CRB1: variants seen among roughly 807,000 people sequenced by gnomAD.
The protein encoded by CRB1 is protein crumbs homolog 1.
Under a neutral mutation model 120.0 loss-of-function variants are expected in CRB1, and 83 were observed. The observed-to-expected ratio is 0.69, with a 90% CI of 0.58 to 0.83. The LOEUF is 0.83. Among genes scored for constraint, CRB1 ranks in the 40% least tolerant of loss-of-function variants. The probability of loss-of-function intolerance (pLI) is 0.00; values close to 1 mark genes in which losing one functional copy is unlikely to be tolerated. For missense variants in CRB1, 1,699 were observed against 1,687.6 expected (o/e 1.01, Z -0.12); for synonymous variants, 625 against 612.5 (o/e 1.02, Z -0.30).
intron 8 of CRB1, among the ~76,000 whole-genome samples, chr1:197,430,631 CTTCA>C (rs1209367152): frequency 1.3e-5 from 2 of 152,162 alleles, no homozygotes; most frequent in African/African-American, 4.8e-5. Context: ...ACCTTTGTCA[CTTCA>C]TTCAGGTTTC....
At chr1:197,335,083 T>A (rs1659076646) in intron 2 of CRB1, among the ~76,000 whole-genome samples, 1 of 152,152 alleles carries the variant, frequency 6.6e-6, no homozygotes, top group East Asian at 1.9e-4. Flanking sequence ...CAAGGAAATG[T>A]CTTGTGGAAT....
rs200469148 is a variant in CRB1 at position 197,477,718 on chromosome 1, G to A, written c.4060G>A (p.Ala1354Thr). ...CACCACTATTGGCTCAGTGACTGTC[G>A]CCTTGTTACTGATCCTCTTGCTGGC... ...IFTTIGSVTV[A>T]LLLILLLAIV... Residue 1354 changes from alanine to threonine, a missense_variant, in exon 12 of 12, where the codon GCC becomes ACC. Physicochemically the swap from Ala to Thr is moderately conservative, Grantham distance 58. Coordinates refer to ENST00000367400, the MANE Select transcript of CRB1 (RefSeq NM_201253.3). The A allele has an allele frequency of 2.3e-4, 370 of 1,613,818 alleles. No homozygotes were observed. Among genetic ancestry groups the A allele is most frequent in the Middle Eastern group, 3.3e-4 (2 of 6,058 alleles).
At chr1:197,385,154 C>A (rs1441750560) in intron 5 of CRB1, among the ~76,000 whole-genome samples, 1 of 152,152 alleles carries the variant, frequency 6.6e-6, no homozygotes, top group Non-Finnish European at 1.5e-5. Context: ...TCCCCCAGCT[C>A]ATATCACAAC....
intron 5 of CRB1, among the ~76,000 whole-genome samples, chr1:197,398,300 C>T (rs755182438): frequency 2.0e-5 from 3 of 152,266 alleles, no homozygotes; most frequent in Middle Eastern, 3.4e-3. Context: ...ATTTAGAATA[C>T]CTTTCTCATT....
At chr1:197,381,212 T>C (rs1661937787) in intron 5 of CRB1, among the ~76,000 whole-genome samples, 2 of 152,192 alleles carry the variant, frequency 1.3e-5, no homozygotes, top group African/African-American at 4.8e-5. Context: ...TTCTCCTCCT[T>C]TTAATATTTT....
the CRB1 span, among the ~76,000 whole-genome samples, chr1:197,213,173 T>A: frequency 6.6e-6 from 1 of 152,224 alleles, no homozygotes; most frequent in Non-Finnish European, 1.5e-5. Context: ...AAAATTTGCA[T>A]GGAGAAGTTC....
intron 11 of CRB1, among the ~76,000 whole-genome samples, chr1:197,475,651 A>G (rs2125569934): frequency 6.6e-6 from 1 of 152,318 alleles, no homozygotes; most frequent in Admixed American, 6.5e-5. Context: ...TGACTACAGG[A>G]CAAAGTCTGA....
At chr1:197,225,706 C>A in the CRB1 span, among the ~76,000 whole-genome samples, 1 of 152,150 alleles carries the variant, frequency 6.6e-6, no homozygotes, top group African/African-American at 2.4e-5. Flanking sequence ...GCTTAACAGC[C>A]ATTTTGGATC....
intron 5 of CRB1, among the ~76,000 whole-genome samples, chr1:197,419,544 G>A (rs776969408): frequency 2.0e-5 from 3 of 151,894 alleles, no homozygotes; most frequent in Non-Finnish European, 2.9e-5. Flanking sequence ...TGTATTTTTA[G>A]TAAAGATAGG....
At chr1:197,394,009 G>A (rs941627513) in intron 5 of CRB1, among the ~76,000 whole-genome samples, 2 of 152,018 alleles carry the variant, frequency 1.3e-5, no homozygotes, top group African/African-American at 4.8e-5. Flanking sequence ...AATTTATAGC[G>A]GTTTGGGTGG....
intron 5 of CRB1, among the ~76,000 whole-genome samples, chr1:197,393,632 C>T (rs550524190): frequency 6.6e-6 from 1 of 152,116 alleles, no homozygotes; most frequent in African/African-American, 2.4e-5. Context: ...AATGACCAAA[C>T]TCTCTACCAA....
intron 5 of CRB1, among the ~76,000 whole-genome samples, chr1:197,385,495 C>G (rs1662168719): frequency 6.6e-6 from 1 of 152,028 alleles, no homozygotes; most frequent in Non-Finnish European, 1.5e-5. Flanking sequence ...CAGAGTCTTT[C>G]TCCTCATACT....
At chr1:197,452,992 G>A (rs1164497717) in intron 11 of CRB1, among the ~76,000 whole-genome samples, 1 of 152,000 alleles carries the variant, frequency 6.6e-6, no homozygotes, top group Admixed American at 6.6e-5. Context: ...TACATGTTCA[G>A]CGAAGGATAA....
In CRB1 at chr1:197,344,319, C is replaced by T. The variant is rs1659642763; in HGVS notation, c.691C>T (p.Gln231Ter). ...ATTGGAAATTGACGAATGTTGGTCC[C>T]AGCCTTGTTTAAATGGTGCAACTTG... ...CELEIDECWSQPCLNGATCQD... is the reference protein window; with the variant it reads ...CELEIDECWS Residue 231 changes from glutamine to a stop codon, truncating the protein, a stop_gained, in exon 3 of 12, where the codon CAG becomes TAG. Coordinates refer to ENST00000367400, the MANE Select transcript of CRB1 (RefSeq NM_201253.3). LOFTEE classifies it high-confidence loss of function. 6.2e-7 allele frequency: 1 copy of T among 1,613,972 alleles called. No homozygotes were observed. Among genetic ancestry groups the T allele is most frequent in the South Asian group, 1.1e-5 (1 of 91,078 alleles).
chr1:197,363,523 A>G (rs1660893437), intron 5 of CRB1, among the ~76,000 whole-genome samples: 1 of 152,090 alleles, frequency 6.6e-6, no homozygotes, highest in Admixed American at 6.5e-5. Context: ...ATTCTACACA[A>G]CTTTTTTTTC....
intron 5 of CRB1, among the ~76,000 whole-genome samples, chr1:197,384,861 TTCTCTGTCAGTTA>T (rs1276468209): frequency 6.6e-6 from 1 of 152,176 alleles, no homozygotes; most frequent in Non-Finnish European, 1.5e-5. Flanking sequence ...GTGCCACCTG[TTCTCTGTCAGTTA>T]TCTCTTCTCT....
chr1:197,311,954 C>T (rs2125274053), intron 1 of CRB1, among the ~76,000 whole-genome samples: 1 of 152,142 alleles, frequency 6.6e-6, no homozygotes, highest in African/African-American at 2.4e-5. Flanking sequence ...TGTACAGAAA[C>T]TTAAATTTCA....
At chr1:197,391,013 C>T (rs1361077618) in intron 5 of CRB1, among the ~76,000 whole-genome samples, 1 of 151,902 alleles carries the variant, frequency 6.6e-6, no homozygotes, top group Non-Finnish European at 1.5e-5. Flanking sequence ...ACTATTTCTC[C>T]AGGCAAAGAG....
the CRB1 span, among the ~76,000 whole-genome samples, chr1:197,216,916 A>G: frequency 6.6e-6 from 1 of 152,250 alleles, no homozygotes; most frequent in African/African-American, 2.4e-5. Context: ...TAAAAGTCCC[A>G]TAAAGAAAGG....
Sources: allele counts gnomAD v4.1 joint callset (sites outside exome capture counted in the v4.1 genomes callset), GRCh38; gene constraint gnomAD v4.1.1; transcripts MANE v1.5; gene names NCBI Gene and HGNC (gene_info 2026-07-23, HGNC 2026-07-21).